Variants in PABPC1L observed in about 807,000 individuals in gnomAD.
PABPC1L encodes polyadenylate-binding protein 1-like.
In PABPC1L, 31 loss-of-function variants were observed where a neutral mutation model predicts 66.6. The ratio of observed to expected loss-of-function variants is 0.47; its 90% confidence interval spans 0.35 to 0.63. PABPC1L has a LOEUF of 0.63. Ranked by LOEUF, PABPC1L falls within the 20% of genes least tolerant of loss-of-function variation. The pLI is 0.00. For synonymous variants in PABPC1L, 348 were observed against 335.1 expected, an observed-to-expected ratio of 1.04 and a Z score of -0.42; for missense variants, 722 against 848.8, an observed-to-expected ratio of 0.85 and a Z score of 1.86.
intron 5 of PABPC1L, 94 bp from the exon 6 acceptor site, chr20:44,921,500 G>C (rs748648565): frequency 6.6e-7 from 1 of 1,517,854 alleles, no homozygotes; most frequent in Non-Finnish European, 8.9e-7. Context: ...TGGCCAGCCT[G>C]GTTTGCAGGT....
At chr20:44,910,594 G>A (rs1305759139) in intron 1 of PABPC1L, among the ~76,000 whole-genome samples, 1 of 151,332 alleles carries the variant, frequency 6.6e-6, no homozygotes, top group Non-Finnish European at 1.5e-5. Context: ...GGGGGTGGGG[G>A]TGGGGGTCAG....
At chr20:44,937,115 TGTTCACCA>T in intron 12 of PABPC1L, 1 of 401,754 alleles carries the variant, frequency 2.5e-6, no homozygotes, top group Non-Finnish European at 5.0e-6. Context: ...AGGAAGCTGC[TGTTCACCA>T]GTTTCCAGTG....
chr20:44,931,041 C>CTTCCCT (rs144269677), intron 8 of PABPC1L, among the ~76,000 whole-genome samples: 2 of 55,902 alleles, frequency 3.6e-5, no homozygotes, highest in Admixed American at 1.7e-4. Flanking sequence ...CCTCCCTTCC[C>CTTCCCT]TCCCTTCCCT....
intron 3 of PABPC1L, 135 bp downstream of exon 3, chr20:44,917,006 G>A: frequency 1.3e-6 from 1 of 755,340 alleles, no homozygotes; most frequent in Admixed American, 2.3e-5. Flanking sequence ...TCCTAGAAGT[G>A]TGAGCCCGGA....
intron 1 of PABPC1L, among the ~76,000 whole-genome samples, chr20:44,911,672 C>G (rs1483734609): frequency 1.3e-5 from 2 of 152,110 alleles, no homozygotes; most frequent in African/African-American, 4.8e-5. Context: ...GTTCCCCGCC[C>G]CTTACTGGGC....
rs767722489 is a variant in PABPC1L at position 44,930,760 on chromosome 20, TC to T, written c.1239+40del. ...CTGCCCGCAACTCCCACCGCAGCCT[TC>T]CCCCCTGCCCCAGCAAGGCAGAGCA... On this transcript the variant is annotated intron_variant, in intron 8 of 14. Transcript: ENST00000217073. 16 of 1,598,268 alleles carry T rather than the reference TC, an allele frequency of 1.0e-5. No individual in the cohort carries two copies. In the Admixed American group the frequency reaches 1.2e-4, roughly 12 times the overall value.
At chr20:44,926,899 A>G (rs2066813299) in intron 7 of PABPC1L, among the ~76,000 whole-genome samples, 1 of 150,788 alleles carries the variant, frequency 6.6e-6, no homozygotes, top group Non-Finnish European at 1.5e-5. Flanking sequence ...TATTAGATGC[A>G]GGTTCTTATT....
chr20:44,925,464 G>A (rs928906232), intron 7 of PABPC1L, among the ~76,000 whole-genome samples: 2 of 152,176 alleles, frequency 1.3e-5, no homozygotes, highest in African/African-American at 4.8e-5. Context: ...AGGGAAGGCT[G>A]CCTGGAAGAA....
At chr20:44,923,041 T>A (rs1258346282) in intron 6 of PABPC1L, among the ~76,000 whole-genome samples, 1 of 152,238 alleles carries the variant, frequency 6.6e-6, no homozygotes, top group African/African-American at 2.4e-5. Context: ...TCACATAATC[T>A]GCAAGAGCAG....
At chr20:44,913,307 T>C (rs985685863) in intron 2 of PABPC1L, among the ~76,000 whole-genome samples, 2 of 152,120 alleles carry the variant, frequency 1.3e-5, no homozygotes, top group African/African-American at 4.8e-5. Context: ...TCCAGGCTAT[T>C]CTCATGGTAT....
At chr20:44,910,635 G>T (rs2066698103) in intron 1 of PABPC1L, among the ~76,000 whole-genome samples, 1 of 152,184 alleles carries the variant, frequency 6.6e-6, no homozygotes, top group Non-Finnish European at 1.5e-5. Context: ...CAGCAGCCGT[G>T]TGACTCTGGG....
At chr20:44,939,046 A>G (rs1052117317) in intron 14 of PABPC1L, 80 bp from the exon 15 acceptor site, 8 of 714,942 alleles carry the variant, frequency 1.1e-5, no homozygotes, top group Non-Finnish European at 1.6e-5. Context: ...AGGCCTGGCC[A>G]GGATGTAACC....
intron 7 of PABPC1L, among the ~76,000 whole-genome samples, chr20:44,928,886 GAAAAAAAA>G (rs1181197441): frequency 1.1e-5 from 1 of 88,768 alleles, no homozygotes; most frequent in African/African-American, 4.4e-5. Flanking sequence ...AAAAAAAAAA[GAAAAAAAA>G]AAAGGAAAAA....
chr20:44,938,227 G>A (rs1486236901), intron 13 of PABPC1L, 36 bp downstream of exon 13: 2 of 1,604,562 alleles, frequency 1.2e-6, no homozygotes. Flanking sequence ...AGCCCGAGGG[G>A]GCAGGAGGAG....
At chr20:44,931,083 C>T (rs35455212) in intron 8 of PABPC1L, among the ~76,000 whole-genome samples, 1,185 of 63,178 alleles carry the variant, frequency 0.019, 60 homozygotes, top group African/African-American at 0.052. Context: ...CTCCCTCCCT[C>T]CCTCCCTTCC....
At chr20:44,918,184 T>C (rs953376345) in intron 3 of PABPC1L, among the ~76,000 whole-genome samples, 16 of 152,042 alleles carry the variant, frequency 1.1e-4, no homozygotes, top group African/African-American at 3.9e-4. Flanking sequence ...GAATTAGCCA[T>C]GCGTGGTGGC....
intron 1 of PABPC1L, among the ~76,000 whole-genome samples, chr20:44,911,736 TC>T (rs1438673227): frequency 1.3e-5 from 2 of 152,152 alleles, no homozygotes; most frequent in Non-Finnish European, 2.9e-5. Context: ...TCCTGCCTCT[TC>T]CCATCTTCCT....
chr20:44,924,872 G>A (rs1297127090), intron 7 of PABPC1L, among the ~76,000 whole-genome samples: 2 of 151,934 alleles, frequency 1.3e-5, no homozygotes, highest in African/African-American at 4.8e-5. Flanking sequence ...GTCAGGCATA[G>A]AATGTGGATC....
rs1201412446 is a variant in PABPC1L at position 44,914,204 on chromosome 20, C to CTTTTTT, written c.387+1366_387+1371dup. 5.3e-4 allele frequency among the ~76,000 whole-genome samples: 61 copies of CTTTTTT among 114,346 alleles called. 2 individuals carry two copies. The highest frequency in any genetic ancestry group is 1.3e-3 in the African/African-American group (37 of 28,026). The allele number at this position is 114,346 out of a possible 152,430, so 75.0% of individuals were successfully genotyped here. A position where few individuals can be genotyped will look rare whatever the true frequency, so the allele number is the denominator to read the frequency against. The stretch of plus-strand genomic sequence containing the variant: ...AGTTTTTGTAGCCTATGTGTCAGAA[C>CTTTTTT]TTTTTTTTTTTTTTTTTTTTGAGAC... On this transcript the variant is annotated intron_variant, in intron 2 of 14. Transcript: ENST00000217073.
Sources: gnomAD v4.1 joint callset for allele counts (sites outside exome capture counted in the v4.1 genomes callset) on GRCh38, gnomAD v4.1.1 for gene constraint, MANE v1.5 for transcripts, NCBI Gene and HGNC (gene_info 2026-07-23, HGNC 2026-07-21) for gene names.